Variants in INTS6 observed in about 807,000 individuals in gnomAD.
The protein encoded by INTS6 is integrator complex subunit 6.
INTS6 carries 16 observed loss-of-function variants against 104.9 expected under a neutral mutation model. The ratio of observed to expected loss-of-function variants is 0.15; its 90% CI spans 0.10 to 0.23. INTS6 has a LOEUF of 0.23. Ranked by LOEUF, INTS6 falls within the 10% of genes least tolerant of loss-of-function variation. The pLI is 1.00. For missense variants in INTS6, 584 were observed against 1,062.8 expected (o/e 0.55, Z 6.26); for synonymous variants, 324 against 358.7 (o/e 0.90, Z 1.09).
At chr13:51,419,621 TA>T (rs1454015708) in intron 4 of INTS6, among the ~76,000 whole-genome samples, 1 of 152,228 alleles carries the variant, frequency 6.6e-6, no homozygotes, top group Non-Finnish European at 1.5e-5. Flanking sequence ...TGTGCTTTAA[TA>T]ATTTTACATC....
chr13:51,396,241 A>G (rs1956335859), intron 4 of INTS6, among the ~76,000 whole-genome samples: 1 of 152,230 alleles, frequency 6.6e-6, no homozygotes. Context: ...TTCATTTTAT[A>G]TAAGATAAAC....
At chr13:51,416,233 T>A (rs536318817) in intron 4 of INTS6, among the ~76,000 whole-genome samples, 99 of 152,294 alleles carry the variant, frequency 6.5e-4, no homozygotes, top group African/African-American at 2.3e-3. Flanking sequence ...AGGAAAATAG[T>A]GTGGGTGTAT....
At chr13:51,413,099 C>A (rs1397917891) in intron 4 of INTS6, among the ~76,000 whole-genome samples, 1 of 152,152 alleles carries the variant, frequency 6.6e-6, no homozygotes, top group Non-Finnish European at 1.5e-5. Flanking sequence ...ACAGGATAGT[C>A]CTTCCTTGTC....
chr13:51,361,440 A>T, downstream of INTS6: 1 of 905,862 alleles, frequency 1.1e-6, no homozygotes, highest in Non-Finnish European at 1.8e-6. Context: ...GAATCTTCAC[A>T]CTTCTGAATC....
intron 3 of INTS6, among the ~76,000 whole-genome samples, chr13:51,430,689 G>A (rs1487984442): frequency 6.6e-6 from 1 of 152,070 alleles, no homozygotes; most frequent in Non-Finnish European, 1.5e-5. Context: ...TTTCTTAAAA[G>A]GGACCCTAGT....
intron 3 of INTS6, chr13:51,450,410 A>G: frequency 1.0e-6 from 1 of 985,336 alleles, no homozygotes; most frequent in Non-Finnish European, 1.2e-6. Context: ...CATATTTTCC[A>G]GCAGTCTTTT....
At chr13:51,365,892 G>C (rs747690539) in intron 17 of INTS6, 47 bp from the exon 18 acceptor site, 1 of 1,014,678 alleles carries the variant, frequency 9.9e-7, no homozygotes, top group Non-Finnish European at 1.4e-6. Flanking sequence ...TTAATGAATA[G>C]TATATATCAG....
rs971850961 is a variant in INTS6, at chr13:51,378,219, A to T, written c.1602+20T>A. 8 of 1,531,992 alleles carry T rather than the reference A, an allele frequency of 5.2e-6. No homozygotes were observed. The highest frequency in any genetic ancestry group is 7.2e-6 in the Non-Finnish European group (8 of 1,106,000). The allele number at this position is 1,531,992 out of a possible 1,614,324, so 94.9% of individuals were successfully genotyped here. On this transcript the variant is annotated intron_variant, in intron 12 of 17. Transcript: ENST00000311234. Reference sequence around the variant, plus strand: ...CATAACAGAACATAACTAGAGTAGCACTAAATTCATGATTATTACCTTATT... The same window carrying T: ...CATAACAGAACATAACTAGAGTAGCTCTAAATTCATGATTATTACCTTATT...
chr13:51,348,976 G>A, the INTS6 span, among the ~76,000 whole-genome samples: 5 of 152,244 alleles, frequency 3.3e-5, no homozygotes, highest in South Asian at 8.3e-4. Context: ...GACCCAATAG[G>A]TACAAATACA....
chr13:51,410,112 C>T (rs1956656780), intron 4 of INTS6, among the ~76,000 whole-genome samples: 1 of 152,182 alleles, frequency 6.6e-6, no homozygotes, highest in Admixed American at 6.5e-5. Context: ...ATGCCATGCT[C>T]ATGGATCAGA....
chr13:51,424,302 G>A (rs1341872630), intron 4 of INTS6, among the ~76,000 whole-genome samples: 2 of 151,852 alleles, frequency 1.3e-5, no homozygotes, highest in Admixed American at 1.3e-4. Context: ...TGATCAACCA[G>A]CATTTCTTTT....
Position 51,376,000 on chromosome 13 carries a change from TA to T in INTS6, c.1729+47del. 3.4e-6 allele frequency: 5 copies of T among 1,477,358 alleles called. No homozygotes were observed. The African/African-American group carries it at 5.6e-5, about 17-fold the overall frequency. 91.5% of individuals were successfully genotyped at this position (1,477,358 alleles called of 1,614,324 possible). On this transcript the variant is annotated intron_variant, in intron 13 of 17. Transcript: ENST00000311234. ...ATCACCATGCTATGCTTTTTCAGAC[TA>T]TAAAGAAAAAAAATTAAAAATACCA...
At chr13:51,365,871 T>G in intron 17 of INTS6, 26 bp from the exon 18 acceptor site, 1 of 1,364,494 alleles carries the variant, frequency 7.3e-7, no homozygotes, top group Non-Finnish European at 1.0e-6. Flanking sequence ...AATAGTACTC[T>G]CAATTACTTT....
rs539856792 is a variant in INTS6, at chr13:51,419,744, T to C, written c.429+10550A>G. Among the ~76,000 whole-genome samples, 4 of 152,294 alleles carry C rather than the reference T, an allele frequency of 2.6e-5. No individual in the cohort carries two copies. The East Asian group carries it at 7.7e-4, about 29-fold the overall frequency. ...GCATCTGTTCACTTTAACTGAATACTCTCTACTAGTGGTGTTCTACCCACT... is the reference window on the plus strand; with the variant it reads ...GCATCTGTTCACTTTAACTGAATACCCTCTACTAGTGGTGTTCTACCCACT... On this transcript the variant is annotated intron_variant, in intron 4 of 17. Coordinates refer to ENST00000311234, the MANE Select transcript of INTS6 (RefSeq NM_012141.3).
downstream of INTS6, among the ~76,000 whole-genome samples, chr13:51,358,572 G>T (rs563014695): frequency 7.2e-5 from 11 of 152,156 alleles, no homozygotes; most frequent in African/African-American, 2.2e-4. Flanking sequence ...GAACATTAAG[G>T]CCATTCGTAT....
intron 4 of INTS6, among the ~76,000 whole-genome samples, chr13:51,428,326 CTTTTTTT>C (rs887192550): frequency 1.5e-5 from 2 of 135,048 alleles, no homozygotes; most frequent in African/African-American, 5.4e-5. Context: ...CTTTTTTTTT[CTTTTTTT>C]TTTTTTTTTG....
At chr13:51,393,046 GTACACAAA>G (rs1956271427) in intron 5 of INTS6, among the ~76,000 whole-genome samples, 1 of 150,348 alleles carries the variant, frequency 6.7e-6, no homozygotes, top group South Asian at 2.1e-4. Flanking sequence ...AAAAATAAAT[GTACACAAA>G]TACACACATA....
At chr13:51,381,360 C>T (rs1266413831) in intron 10 of INTS6, among the ~76,000 whole-genome samples, 1 of 152,196 alleles carries the variant, frequency 6.6e-6, no homozygotes, top group Non-Finnish European at 1.5e-5. Context: ...CATCCCCTCA[C>T]ATATTAGCTA....
In INTS6 at chr13:51,425,049, T is replaced by A. The variant is rs553696347; in HGVS notation, c.429+5245A>T. Among the ~76,000 whole-genome samples, 18 of 152,074 alleles carry A rather than the reference T, an allele frequency of 1.2e-4. No homozygotes were observed. In the East Asian group the frequency reaches 3.3e-3, roughly 28 times the overall value. The stretch of plus-strand genomic sequence containing the variant: ...TGGGAGGTAGGGGAGGGAGCTGTGG[T>A]TTTTTAATCATTTCAGATACTAGAA... On this transcript the variant is annotated intron_variant, in intron 4 of 17. Coordinates refer to ENST00000311234, the MANE Select transcript of INTS6 (RefSeq NM_012141.3).
Sources: allele counts gnomAD v4.1 joint callset (sites outside exome capture counted in the v4.1 genomes callset), GRCh38; gene constraint gnomAD v4.1.1; transcripts MANE v1.5; gene names NCBI Gene and HGNC (gene_info 2026-07-23, HGNC 2026-07-21).